Variants in SMCO1 observed in about 807,000 individuals in gnomAD.
SMCO1 encodes single-pass membrane protein with coiled-coil domains 1.
SMCO1 carries 9 observed loss-of-function variants against 7.5 expected under a neutral mutation model. The observed-to-expected ratio is 1.20, with a 90% confidence interval of 0.72 to 2.09. SMCO1 has a LOEUF of 2.09. Ranked by LOEUF, SMCO1 falls within the 30% of genes most tolerant of loss-of-function variation. The pLI is 0.00. For synonymous variants in SMCO1, 90 were observed against 93.8 expected, an observed-to-expected ratio of 0.96 and a Z score of 0.23; for missense variants, 219 against 253.1, an observed-to-expected ratio of 0.87 and a Z score of 0.91.
rs1577537418 is a variant in SMCO1 at position 196,515,266 on chromosome 3, ATGTT to A, written c.-61_-58del. 1 of 1,393,788 alleles carries A rather than the reference ATGTT, an allele frequency of 7.2e-7. No individual in the cohort carries two copies. The highest frequency in any genetic ancestry group is 2.3e-5 in the East Asian group (1 of 43,778). The allele number at this position is 1,393,788 out of a possible 1,614,324, so 86.3% of individuals were successfully genotyped here. A position where few individuals can be genotyped will look rare whatever the true frequency, so the allele number is the denominator to read the frequency against. On this transcript the variant is annotated 5_prime_UTR_variant, in exon 1 of 3. Coordinates refer to ENST00000397537, the MANE Select transcript of SMCO1 (RefSeq NM_001077657.3). ...CAAAGCAAAACAAAAAAAGCAATAA[ATGTT>A]TGAATCCAGAATTTTCTGCGGTCTT...
upstream of SMCO1, among the ~76,000 whole-genome samples, chr3:196,519,176 G>A (rs1285354294): frequency 6.6e-6 from 1 of 152,206 alleles, no homozygotes; most frequent in African/African-American, 2.4e-5. Flanking sequence ...TTGCAGCCCA[G>A]GGAAGTAATC....
Position 196,515,034 on chromosome 3 carries a change from C to T in SMCO1, c.50+126G>A, listed in dbSNP as rs548155542. 326 of 1,198,724 alleles carry T rather than the reference C, an allele frequency of 2.7e-4. 2 individuals carry two copies. Among genetic ancestry groups the T allele is most frequent in the Middle Eastern group, 2.7e-3 (14 of 5,180 alleles). 74.3% of individuals were successfully genotyped at this position (1,198,724 alleles called of 1,614,324 possible). On this transcript the variant is annotated intron_variant, in intron 1 of 2. Coordinates refer to ENST00000397537, the MANE Select transcript of SMCO1 (RefSeq NM_001077657.3). The stretch of plus-strand genomic sequence containing the variant: ...GGATTACAGGTGTGAGCCACCGCAC[C>T]GGCCACAGAGACAGAATTCTAATGA...
chr3:196,515,986 AG>A (rs1357395503), upstream of SMCO1, among the ~76,000 whole-genome samples: 173 of 15,692 alleles, frequency 0.011, no homozygotes, highest in South Asian at 0.053. Flanking sequence ...GCAAGAGGAT[AG>A]GATATATATA....
intron 1 of SMCO1, 184 bp downstream of exon 1, chr3:196,514,976 G>A: frequency 1.5e-6 from 1 of 669,410 alleles, no homozygotes; most frequent in Non-Finnish European, 2.6e-6. Flanking sequence ...TCTTGACCCT[G>A]TGATCCGCCC....
At position 196,509,626 on chromosome 3, in the gene SMCO1, G is replaced by C; in HGVS notation, c.94C>G (p.Leu32Val). 1 of 1,614,066 alleles carries C rather than the reference G, an allele frequency of 6.2e-7. No individual in the cohort carries two copies. The highest frequency in any genetic ancestry group is 2.2e-5 in the East Asian group (1 of 44,876). ...LQALETQFKE[L>V]DFTKDNLMQK... Reference sequence around the variant, plus strand: ...ATCAGGTTATCCTTGGTGAAGTCTAGTTCTTTGAACTGTGTTTCTAACGCT... The same window carrying C: ...ATCAGGTTATCCTTGGTGAAGTCTACTTCTTTGAACTGTGTTTCTAACGCT... The change falls in exon 2 of 3, where the codon CTA (leucine) becomes GTA (valine). Residue 32 changes from leucine to valine, a missense_variant. Leu to Val is a conservative substitution (Grantham distance 32). Transcript: ENST00000397537.
intron 2 of SMCO1, among the ~76,000 whole-genome samples, chr3:196,509,053 C>CT (rs945980231): frequency 0.011 from 1,544 of 146,330 alleles, 9 homozygotes; most frequent in Non-Finnish European, 0.017. Context: ...TCAAATTAAT[C>CT]TTTTTTTTTT....
chr3:196,518,280 A>G (rs917658670), upstream of SMCO1, among the ~76,000 whole-genome samples: 5 of 152,110 alleles, frequency 3.3e-5, no homozygotes, highest in African/African-American at 1.2e-4. Context: ...GACATAACCA[A>G]CTGCTTTCTG....
At chr3:196,516,113 TTATATA>T (rs1042515639), upstream of SMCO1, among the ~76,000 whole-genome samples, 20 of 140,900 alleles carry the variant, frequency 1.4e-4, no homozygotes, top group Non-Finnish European at 3.1e-4. Context: ...TTTTATATAA[TTATATA>T]TATATTAGAT....
intron 2 of SMCO1, among the ~76,000 whole-genome samples, chr3:196,508,664 G>T (rs570880330): frequency 7.1e-4 from 1 of 1,414 alleles, no homozygotes; most frequent in East Asian, 8.8e-3. Context: ...TAGGCTGGGC[G>T]TGGTGCTCAC....
At chr3:196,513,872 G>A (rs570545479) in intron 1 of SMCO1, among the ~76,000 whole-genome samples, 2 of 152,236 alleles carry the variant, frequency 1.3e-5, no homozygotes, top group South Asian at 4.2e-4. Flanking sequence ...GTTTTGTTTT[G>A]TTTTAGTACA....
upstream of SMCO1, chr3:196,515,453 G>A: frequency 2.0e-6 from 1 of 501,140 alleles, no homozygotes; most frequent in Non-Finnish European, 3.6e-6. Flanking sequence ...TATAACATTT[G>A]CCTTTGAAAA....
At chr3:196,516,565 A>G (rs544831010), upstream of SMCO1, among the ~76,000 whole-genome samples, 94 of 152,330 alleles carry the variant, frequency 6.2e-4, 1 homozygote, top group Admixed American at 2.2e-3. Context: ...TCTTTCACTG[A>G]ATACTTTATT....
rs747586187 is a variant in SMCO1 at position 196,508,224 on chromosome 3, G to A, written c.308C>T (p.Pro103Leu). 8 of 1,614,136 alleles carry A rather than the reference G, an allele frequency of 5.0e-6. No homozygotes were observed. The Admixed American group carries it at 1.3e-4, about 27-fold the overall frequency. ...TCTTCTGAGTACAGAGGCTAAGGTT[G>A]GAAGACCTCTCACCAGGTCTGGCAG... ...EKLPDLVRGL[P>L]TLASVLRRKV... The change falls in exon 3 of 3, where the codon CCA becomes CTA. Residue 103 changes from proline to leucine, a missense_variant. Transcript: ENST00000397537.
chr3:196,508,697 G>A (rs950989297), intron 2 of SMCO1, among the ~76,000 whole-genome samples: 1 of 151,284 alleles, frequency 6.6e-6, no homozygotes, highest in Non-Finnish European at 1.5e-5. Flanking sequence ...AGCACTGTGG[G>A]AGGACGAGGT....
At chr3:196,519,935 CG>C (rs111924618), upstream of SMCO1, among the ~76,000 whole-genome samples, 4,294 of 152,110 alleles carry the variant, frequency 0.028, 217 homozygotes, top group African/African-American at 0.098. Context: ...GGAAAACAGT[CG>C]GGGGGGACGC....
At chr3:196,510,704 C>T (rs750787805) in intron 1 of SMCO1, among the ~76,000 whole-genome samples, 5 of 152,158 alleles carry the variant, frequency 3.3e-5, no homozygotes, top group Non-Finnish European at 5.9e-5. Context: ...CCCTGCGTCT[C>T]GCTTACAAGC....
intron 2 of SMCO1, among the ~76,000 whole-genome samples, chr3:196,508,955 A>AAAG (rs1553864943): frequency 2.5e-4 from 33 of 130,126 alleles, no homozygotes; most frequent in African/African-American, 1.4e-3. Flanking sequence ...AAAAAAAAAG[A>AAAG]AAAAAAAATT....
intron 1 of SMCO1, among the ~76,000 whole-genome samples, chr3:196,511,797 C>A (rs370416315): frequency 7.7e-6 from 1 of 129,522 alleles, no homozygotes; most frequent in Admixed American, 7.2e-5. Context: ...CCTAGATTGT[C>A]GTTATGAGGG....
chr3:196,517,843 A>T (rs1291531918), upstream of SMCO1, among the ~76,000 whole-genome samples: 1 of 152,114 alleles, frequency 6.6e-6, no homozygotes, highest in Non-Finnish European at 1.5e-5. Flanking sequence ...AGGAGTTATT[A>T]AAAAATTATT....
Sources: gnomAD v4.1 joint callset for allele counts (sites outside exome capture counted in the v4.1 genomes callset) on GRCh38, gnomAD v4.1.1 for gene constraint, MANE v1.5 for transcripts, NCBI Gene and HGNC (gene_info 2026-07-23, HGNC 2026-07-21) for gene names.